PTPRD: variants seen among roughly 807,000 people sequenced by gnomAD.
The protein encoded by PTPRD is receptor-type tyrosine-protein phosphatase delta.
In PTPRD, 34 loss-of-function variants were observed where a neutral mutation model predicts 214.5. The observed-to-expected ratio is 0.16, with a 90% CI of 0.12 to 0.21. The LOEUF (loss-of-function observed/expected upper bound fraction) is 0.21, where lower values mean the gene tolerates loss of function less well. Ranked by LOEUF, PTPRD falls within the 10% of genes least tolerant of loss-of-function variation. The probability of loss-of-function intolerance (pLI) is 1.00; values close to 1 mark genes in which losing one functional copy is unlikely to be tolerated. For missense variants in PTPRD, 2,545 were observed against 2,398.7 expected (o/e 1.06, Z -1.27); for synonymous variants, 1,128 against 845.7 (o/e 1.33, Z -5.79).
At chr9:9,939,229 G>A (rs971020648) in intron 4 of PTPRD, among the ~76,000 whole-genome samples, 1 of 152,154 alleles carries the variant, frequency 6.6e-6, no homozygotes, top group African/African-American at 2.4e-5. Context: ...GAAAACCATA[G>A]AGCAGGGCTC....
intron 9 of PTPRD, among the ~76,000 whole-genome samples, chr9:9,289,811 A>C (rs1950577188): frequency 6.6e-6 from 1 of 151,826 alleles, no homozygotes; most frequent in Non-Finnish European, 1.5e-5. Context: ...TAAAGGCTGA[A>C]TAGCATAACA....
chr9:8,575,119 A>G (rs1405129536), intron 14 of PTPRD, among the ~76,000 whole-genome samples: 1 of 152,092 alleles, frequency 6.6e-6, no homozygotes, highest in Middle Eastern at 3.2e-3. Context: ...CAGGCTGCAA[A>G]CAAGTACAAG....
chr9:8,578,123 A>G (rs2092663818), intron 14 of PTPRD, among the ~76,000 whole-genome samples: 1 of 152,222 alleles, frequency 6.6e-6, no homozygotes, highest in Admixed American at 6.5e-5. Context: ...CGGTCTGTAC[A>G]TAGGATACAC....
chr9:8,983,050 A>G (rs1450680973), intron 11 of PTPRD, among the ~76,000 whole-genome samples: 1 of 152,094 alleles, frequency 6.6e-6, no homozygotes, highest in Non-Finnish European at 1.5e-5. Flanking sequence ...CTGTGGAAAA[A>G]AATCTATTTG....
At chr9:8,526,698 A>C (rs2074252257) in intron 16 of PTPRD, 54 bp from the exon 17 acceptor site, 2 of 1,459,260 alleles carry the variant, frequency 1.4e-6, no homozygotes, top group African/African-American at 1.4e-5. Context: ...CATTAGTACG[A>C]GAAGAAGGAG....
chr9:9,212,683 G>A (rs1386753852), intron 9 of PTPRD, among the ~76,000 whole-genome samples: 1 of 152,152 alleles, frequency 6.6e-6, no homozygotes, highest in African/African-American at 2.4e-5. Flanking sequence ...GCCATTCACA[G>A]ATTTAATGAG....
At chr9:9,869,282 G>T (rs1294251805) in intron 5 of PTPRD, among the ~76,000 whole-genome samples, 3 of 152,114 alleles carry the variant, frequency 2.0e-5, no homozygotes, top group Non-Finnish European at 4.4e-5. Context: ...GCTAACAAAT[G>T]CAGAAGAAAT....
At chr9:10,417,753 T>C (rs1451335300) in intron 2 of PTPRD, among the ~76,000 whole-genome samples, 1 of 151,802 alleles carries the variant, frequency 6.6e-6, no homozygotes, top group Non-Finnish European at 1.5e-5. Flanking sequence ...ATGAGAAAAC[T>C]GGGACCTAAG....
intron 4 of PTPRD, among the ~76,000 whole-genome samples, chr9:10,032,383 C>T (rs556803781): frequency 2.0e-5 from 3 of 152,154 alleles, no homozygotes; most frequent in Non-Finnish European, 4.4e-5. Context: ...GGCAACTTGC[C>T]AAGATATCTT....
chr9:8,802,431 G>T (rs954517241), intron 11 of PTPRD, among the ~76,000 whole-genome samples: 4 of 152,072 alleles, frequency 2.6e-5, no homozygotes, highest in African/African-American at 4.8e-5. Context: ...ATTCACAATC[G>T]CCTTCCTTAA....
At chr9:9,221,852 G>C (rs966363069) in intron 9 of PTPRD, among the ~76,000 whole-genome samples, 5 of 151,892 alleles carry the variant, frequency 3.3e-5, no homozygotes, top group Non-Finnish European at 7.4e-5. Flanking sequence ...TTGCACAAAC[G>C]CTGTACCTAA....
chr9:10,144,621 G>A (rs1269460970), intron 3 of PTPRD, among the ~76,000 whole-genome samples: 1 of 152,084 alleles, frequency 6.6e-6, no homozygotes, highest in Non-Finnish European at 1.5e-5. Flanking sequence ...TTCTACTGGA[G>A]AGCACAAGCC....
chr9:9,477,341 C>T (rs1422085741), intron 8 of PTPRD, among the ~76,000 whole-genome samples: 1 of 152,138 alleles, frequency 6.6e-6, no homozygotes, highest in Non-Finnish European at 1.5e-5. Context: ...CATGAGGATG[C>T]TCATGTTTCT....
chr9:8,962,254 T>A (rs576863703), intron 11 of PTPRD: 1 of 152,158 alleles, frequency 6.6e-6, no homozygotes, highest in Non-Finnish European at 1.5e-5. Flanking sequence ...CAGGCATCAT[T>A]TCCTTTGCAG....
chr9:9,955,669 GC>G (rs1351356588), intron 4 of PTPRD, among the ~76,000 whole-genome samples: 1 of 151,942 alleles, frequency 6.6e-6, no homozygotes, highest in East Asian at 1.9e-4. Flanking sequence ...GACTACAGGT[GC>G]CCGCCACCAT....
intron 9 of PTPRD, among the ~76,000 whole-genome samples, chr9:9,276,851 C>G (rs1303782856): frequency 5.9e-5 from 9 of 151,316 alleles, no homozygotes; most frequent in South Asian, 4.1e-4. Context: ...TTATTGCCAT[C>G]ATAAACAAAG....
intron 3 of PTPRD, among the ~76,000 whole-genome samples, chr9:10,065,705 G>A (rs960766009): frequency 6.6e-6 from 1 of 151,914 alleles, no homozygotes; most frequent in African/African-American, 2.4e-5. Flanking sequence ...TAGAAGGACT[G>A]CAAAATCCAG....
intron 8 of PTPRD, among the ~76,000 whole-genome samples, chr9:9,504,675 T>G (rs2096528786): frequency 6.6e-6 from 1 of 151,542 alleles, no homozygotes; most frequent in Non-Finnish European, 1.5e-5. Context: ...GAAAAAGAAA[T>G]AAAACGCATC....
chr9:9,767,371 T>C (rs1318554641), intron 5 of PTPRD, among the ~76,000 whole-genome samples: 1 of 152,098 alleles, frequency 6.6e-6, no homozygotes, highest in African/African-American at 2.4e-5. Context: ...GCAGTGCATC[T>C]AGAATGAAGG....
Sources: allele counts gnomAD v4.1 joint callset (sites outside exome capture counted in the v4.1 genomes callset), GRCh38; gene constraint gnomAD v4.1.1; transcripts MANE v1.5; gene names NCBI Gene and HGNC (gene_info 2026-07-23, HGNC 2026-07-21).